FSHR: variants seen among roughly 807,000 people sequenced by gnomAD.
FSHR encodes the protein follicle stimulating hormone receptor, also known as follicle-stimulating hormone receptor.
FSHR carries 46 observed loss-of-function variants against 52.1 expected under a neutral mutation model. That is an observed-to-expected ratio of 0.88 (90% confidence interval 0.70 to 1.13). The LOEUF is 1.13. FSHR is among the 50% of genes most tolerant of loss of function. The probability of loss-of-function intolerance (pLI) is 0.00; values close to 1 mark genes in which losing one functional copy is unlikely to be tolerated. For synonymous variants in FSHR, 399 were observed against 309.6 expected (o/e 1.29, Z -3.03); for missense variants, 964 against 834.6 (o/e 1.16, Z -1.91).
At chr2:49,106,730 G>A (rs1000157620) in intron 1 of FSHR, among the ~76,000 whole-genome samples, 6 of 152,060 alleles carry the variant, frequency 3.9e-5, no homozygotes, top group Non-Finnish European at 4.4e-5. Flanking sequence ...ATTCAGTGTG[G>A]TTAAGTCTTC....
chr2:49,119,133 A>G (rs1671709368), intron 1 of FSHR, among the ~76,000 whole-genome samples: 1 of 152,178 alleles, frequency 6.6e-6, no homozygotes, highest in African/African-American at 2.4e-5. Flanking sequence ...TGGACCCCGG[A>G]AATTTCCAGT....
intron 1 of FSHR, among the ~76,000 whole-genome samples, chr2:49,132,840 T>C (rs1186208463): frequency 1.3e-5 from 2 of 152,052 alleles, no homozygotes; most frequent in African/African-American, 4.8e-5. Flanking sequence ...TCTGCTGTCC[T>C]GTTCCACGGT....
At chr2:49,143,001 A>G (rs916549795) in intron 1 of FSHR, among the ~76,000 whole-genome samples, 1 of 152,186 alleles carries the variant, frequency 6.6e-6, no homozygotes, top group East Asian at 1.9e-4. Flanking sequence ...GGAGAAGTCA[A>G]GGTTTCAGTT....
chr2:49,073,838 G>T (rs1178298803), intron 1 of FSHR, among the ~76,000 whole-genome samples: 2 of 152,050 alleles, frequency 1.3e-5, no homozygotes, highest in Non-Finnish European at 2.9e-5. Context: ...CATGAAAATA[G>T]AAACATAGAC....
intron 1 of FSHR, among the ~76,000 whole-genome samples, chr2:49,128,904 A>C (rs916483199): frequency 6.6e-6 from 1 of 152,158 alleles, no homozygotes; most frequent in Non-Finnish European, 1.5e-5. Context: ...TCAATTTTTC[A>C]GAAGGTAGAA....
At chr2:48,970,169 C>A (rs989434056) in intron 8 of FSHR, among the ~76,000 whole-genome samples, 1 of 152,156 alleles carries the variant, frequency 6.6e-6, no homozygotes, top group Non-Finnish European at 1.5e-5. Flanking sequence ...CAAAGTCTTG[C>A]TTTCATTGTA....
chr2:49,013,622 T>C (rs908328639), intron 4 of FSHR, among the ~76,000 whole-genome samples: 3 of 150,098 alleles, frequency 2.0e-5, no homozygotes, highest in African/African-American at 7.4e-5. Context: ...TGAGGAGGAG[T>C]ACATAGCTGG....
intron 1 of FSHR, among the ~76,000 whole-genome samples, chr2:49,076,544 CT>C (rs1382329816): frequency 5.9e-5 from 9 of 152,156 alleles, no homozygotes; most frequent in Non-Finnish European, 1.5e-5. Flanking sequence ...CATTCTGCCC[CT>C]GGCCCCTCCC....
At chr2:48,982,766 C>G (rs1675309488) in intron 8 of FSHR, 146 bp downstream of exon 8, 1 of 735,462 alleles carries the variant, frequency 1.4e-6, no homozygotes. Flanking sequence ...CTTAAATTGT[C>G]TCTATAAATT....
intron 1 of FSHR, among the ~76,000 whole-genome samples, chr2:49,125,962 C>T (rs1671981220): frequency 6.6e-6 from 1 of 152,194 alleles, no homozygotes; most frequent in Non-Finnish European, 1.5e-5. Flanking sequence ...CATAAATAGA[C>T]ACTGGGTCTT....
At chr2:49,063,778 T>C (rs1479548682) in intron 2 of FSHR, among the ~76,000 whole-genome samples, 1 of 152,088 alleles carries the variant, frequency 6.6e-6, no homozygotes, top group Non-Finnish European at 1.5e-5. Flanking sequence ...CAACTATAAT[T>C]AACAACAATT....
chr2:49,052,475 A>G (rs533321888), intron 2 of FSHR, among the ~76,000 whole-genome samples: 149 of 152,348 alleles, frequency 9.8e-4, no homozygotes, highest in Non-Finnish European at 1.8e-3. Flanking sequence ...GAGCTTTAAA[A>G]AATGATTAAT....
intron 2 of FSHR, among the ~76,000 whole-genome samples, chr2:49,057,077 A>C (rs190954523): frequency 1.3e-5 from 2 of 152,078 alleles, no homozygotes; most frequent in Non-Finnish European, 2.9e-5. Flanking sequence ...CCCAGCCTCA[A>C]ATAAACCAAT....
At chr2:49,019,232 C>T (rs780497098) in intron 3 of FSHR, among the ~76,000 whole-genome samples, 1 of 152,124 alleles carries the variant, frequency 6.6e-6, no homozygotes, top group Non-Finnish European at 1.5e-5. Flanking sequence ...AGAAGCAAAC[C>T]TATCTAATTT....
At chr2:48,996,685 T>C (rs1676037386) in intron 4 of FSHR, among the ~76,000 whole-genome samples, 1 of 152,082 alleles carries the variant, frequency 6.6e-6, no homozygotes, top group Non-Finnish European at 1.5e-5. Flanking sequence ...GCATGACAGC[T>C]GAAACGAGGT....
At chr2:49,040,199 A>G (rs943009749) in intron 2 of FSHR, among the ~76,000 whole-genome samples, 1 of 152,174 alleles carries the variant, frequency 6.6e-6, no homozygotes, top group African/African-American at 2.4e-5. Context: ...AATTGCAATC[A>G]GGTTTATTTT....
At chr2:49,078,059 C>T (rs1323622724) in intron 1 of FSHR, among the ~76,000 whole-genome samples, 3 of 152,160 alleles carry the variant, frequency 2.0e-5, no homozygotes, top group African/African-American at 7.2e-5. Flanking sequence ...TCAGCAATGC[C>T]CCACTCTACT....
intron 2 of FSHR, among the ~76,000 whole-genome samples, chr2:49,026,892 G>T (rs1667929359): frequency 6.6e-6 from 1 of 152,076 alleles, no homozygotes; most frequent in Non-Finnish European, 1.5e-5. Flanking sequence ...GGACCTCTCT[G>T]CTGATGAATC....
intron 2 of FSHR, among the ~76,000 whole-genome samples, chr2:49,038,314 C>T (rs111957221): frequency 2.2e-4 from 33 of 152,228 alleles, no homozygotes; most frequent in African/African-American, 7.7e-4. Context: ...TAAATACTTA[C>T]ACAGTTAAAA....
Sources: allele counts gnomAD v4.1 joint callset (sites outside exome capture counted in the v4.1 genomes callset), GRCh38; gene constraint gnomAD v4.1.1; transcripts MANE v1.5; gene names NCBI Gene and HGNC (gene_info 2026-07-23, HGNC 2026-07-21).